The following CCDC201 variants were observed in gnomAD, a reference collection of about 807,000 sequenced individuals.
CCDC201 encodes the protein coiled-coil domain-containing protein 201.
At chr7:45,866,961 G>C (rs541123554) in intron 1 of CCDC201, among the ~76,000 whole-genome samples, 2 of 152,318 alleles carry the variant, frequency 1.3e-5, no homozygotes, top group South Asian at 4.1e-4. Flanking sequence ...TGCAGTAGGT[G>C]CTGTGTGCCC....
chr7:45,879,956 G>T, the CCDC201 span, among the ~76,000 whole-genome samples: 43 of 151,982 alleles, frequency 2.8e-4, no homozygotes, highest in Non-Finnish European at 5.9e-5. Flanking sequence ...CATGGTGGTG[G>T]GTGCCTGTAA....
intron 1 of CCDC201, among the ~76,000 whole-genome samples, chr7:45,870,902 T>C (rs1329281853): frequency 6.6e-6 from 1 of 152,106 alleles, no homozygotes; most frequent in African/African-American, 2.4e-5. Context: ...AAAAAAGAGA[T>C]TGAGATCTCA....
At chr7:45,884,078 ATTCT>A in the CCDC201 span, among the ~76,000 whole-genome samples, 3 of 112,730 alleles carry the variant, frequency 2.7e-5, no homozygotes, top group African/African-American at 1.0e-4. Context: ...CCTTTCCTCC[ATTCT>A]TTCTCCCTTT....
chr7:45,871,374 GA>G (rs34501457), intron 1 of CCDC201, among the ~76,000 whole-genome samples: 23 of 148,712 alleles, frequency 1.5e-4, no homozygotes, highest in South Asian at 4.3e-4. Flanking sequence ...TAAATTACCA[GA>G]AAAAAAAACA....
At chr7:45,867,586 C>A (rs1786691921) in intron 1 of CCDC201, among the ~76,000 whole-genome samples, 1 of 152,196 alleles carries the variant, frequency 6.6e-6, no homozygotes, top group African/African-American at 2.4e-5. Context: ...ATGTCCATTG[C>A]CTGGACAGAG....
At chr7:45,869,189 C>A (rs570562462) in intron 1 of CCDC201, among the ~76,000 whole-genome samples, 1 of 152,284 alleles carries the variant, frequency 6.6e-6, no homozygotes, top group South Asian at 2.1e-4. Context: ...GAGGCCAGGG[C>A]AGAAGAGGTT....
At chr7:45,878,727 C>G in the CCDC201 span, among the ~76,000 whole-genome samples, 2 of 152,254 alleles carry the variant, frequency 1.3e-5, no homozygotes, top group South Asian at 2.1e-4. Context: ...TGGCTGCCCC[C>G]CTAGGTCTCT....
the CCDC201 span, among the ~76,000 whole-genome samples, chr7:45,879,607 A>G: frequency 6.6e-6 from 1 of 152,090 alleles, no homozygotes; most frequent in East Asian, 1.9e-4. Context: ...CATTAGGGGG[A>G]TGGTGTTAAA....
chr7:45,862,096 G>A (rs1786609882), exon 3 of CCDC201: 1 of 152,352 alleles, frequency 6.6e-6, no homozygotes, highest in Admixed American at 6.5e-5. Flanking sequence ...GTTAAGCAGG[G>A]AGCACAGCGT....
chr7:45,884,251 C>T, the CCDC201 span, among the ~76,000 whole-genome samples: 4 of 152,122 alleles, frequency 2.6e-5, no homozygotes, highest in African/African-American at 4.8e-5. Context: ...AGTCATACAC[C>T]ACCATGCCTG....
exon 1 of CCDC201, chr7:45,872,996 C>T (rs34532561): frequency 0.13 from 19,379 of 152,750 alleles, 1,265 homozygotes; most frequent in Non-Finnish European, 0.14. Flanking sequence ...CTACCTGCAC[C>T]CCAGGCTCCA....
chr7:45,876,501 C>CA (rs937994593), upstream of CCDC201, among the ~76,000 whole-genome samples: 5 of 152,290 alleles, frequency 3.3e-5, no homozygotes, highest in South Asian at 4.1e-4. Flanking sequence ...AGGCCACCCC[C>CA]AGGGCTTTCT....
At chr7:45,868,058 A>G (rs576746735) in intron 1 of CCDC201, among the ~76,000 whole-genome samples, 9 of 152,298 alleles carry the variant, frequency 5.9e-5, no homozygotes, top group South Asian at 2.1e-4. Flanking sequence ...TGTAATTTCT[A>G]TGGGTCAGGA....
intron 1 of CCDC201, among the ~76,000 whole-genome samples, chr7:45,868,797 C>A (rs1412308407): frequency 6.6e-6 from 1 of 152,194 alleles, no homozygotes; most frequent in East Asian, 1.9e-4. Context: ...CTCTCATTTT[C>A]TAAGTGAATT....
chr7:45,883,096 T>TAA, the CCDC201 span, among the ~76,000 whole-genome samples: 1 of 152,198 alleles, frequency 6.6e-6, no homozygotes, highest in African/African-American at 2.4e-5. Flanking sequence ...AGTAAACGTT[T>TAA]ATGAAACACT....
chr7:45,879,579 A>G, the CCDC201 span, among the ~76,000 whole-genome samples: 1 of 152,174 alleles, frequency 6.6e-6, no homozygotes, highest in Non-Finnish European at 1.5e-5. Flanking sequence ...GAGGTGCTAT[A>G]CACTTTCAAA....
At chr7:45,872,537 G>A (rs1439862628) in intron 1 of CCDC201, among the ~76,000 whole-genome samples, 4 of 152,190 alleles carry the variant, frequency 2.6e-5, no homozygotes, top group Admixed American at 6.5e-5. Flanking sequence ...GGCCTCATGA[G>A]ACAGGCCAGG....
upstream of CCDC201, among the ~76,000 whole-genome samples, chr7:45,873,569 C>A (rs1786765375): frequency 6.6e-6 from 1 of 152,182 alleles, no homozygotes; most frequent in Non-Finnish European, 1.5e-5. Flanking sequence ...GCCCCAGTTC[C>A]TGATTGGGCA....
upstream of CCDC201, among the ~76,000 whole-genome samples, chr7:45,876,425 C>T (rs575713726): frequency 1.3e-5 from 2 of 152,312 alleles, no homozygotes; most frequent in African/African-American, 4.8e-5. Context: ...TGCCCAAGAT[C>T]ACAGAGCTGC....
Sources: allele counts gnomAD v4.1 joint callset (sites outside exome capture counted in the v4.1 genomes callset), GRCh38; gene constraint gnomAD v4.1.1; transcripts MANE v1.5; gene names NCBI Gene and HGNC (gene_info 2026-07-23, HGNC 2026-07-21).